The following GRIN1 variants were observed in gnomAD, a reference collection of about 807,000 sequenced individuals.
The protein encoded by GRIN1 is glutamate ionotropic receptor NMDA type subunit 1.
A neutral mutation model predicts 103.0 loss-of-function variants in GRIN1; 38 were observed. The observed-to-expected ratio is 0.37, with a 90% confidence interval of 0.28 to 0.48. The LOEUF is 0.48. Ranked by LOEUF, GRIN1 falls within the 20% of genes least tolerant of loss-of-function variation. GRIN1 has a pLI of 0.98. For missense variants in GRIN1, 577 were observed against 1,288.9 expected, an observed-to-expected ratio of 0.45 and a Z score of 8.46; for synonymous variants, 544 against 532.7, an observed-to-expected ratio of 1.02 and a Z score of -0.29.
chr9:137,148,006 C>A, intron 3 of GRIN1: 1 of 604,366 alleles, frequency 1.7e-6, no homozygotes, highest in Non-Finnish European at 2.9e-6. Context: ...AGCCCCGCCC[C>A]GGGCCTCGGT....
At position 137,157,024 on chromosome 9, in the gene GRIN1, C is replaced by T; in HGVS notation, c.955C>T (p.Pro319Ser). Residue 319 changes from proline to serine, a missense_variant, in exon 6 of 20, where the codon CCG becomes TCG. Physicochemically the swap from Pro to Ser is moderately conservative, Grantham distance 74. This residue lies in a region of GRIN1 where 308 missense variants were observed against 553.6 expected (regional missense o/e 0.56). Transcript: ENST00000371561. ...VGNTNIWKTG[P>S]LFKRVLMSSK... ...CAACACCAACATCTGGAAGACCGGG[C>T]CGCTCTTCAAGAGGTGGGCGGGGCC... 6.2e-7 allele frequency: 1 copy of T among 1,611,634 alleles called. No homozygotes were observed. Among genetic ancestry groups the T allele is most frequent in the Non-Finnish European group, 8.5e-7 (1 of 1,179,666 alleles).
chr9:137,157,660 C>G (rs938722901), intron 6 of GRIN1, among the ~76,000 whole-genome samples: 8 of 152,218 alleles, frequency 5.3e-5, no homozygotes, highest in Non-Finnish European at 1.0e-4. Flanking sequence ...TGAACATCTG[C>G]AGTGTGGCAG....
At chr9:137,160,166 G>A (rs1316215627) in intron 8 of GRIN1, among the ~76,000 whole-genome samples, 1 of 152,268 alleles carries the variant, frequency 6.6e-6, no homozygotes, top group African/African-American at 2.4e-5. Context: ...ACACGGGCAA[G>A]AGAAAGGAGC....
intron 4 of GRIN1, among the ~76,000 whole-genome samples, chr9:137,149,990 G>A (rs1305874575): frequency 6.6e-6 from 1 of 152,152 alleles, no homozygotes; most frequent in African/African-American, 2.4e-5. Context: ...CCCTCACCAG[G>A]GCAGAACGCA....
rs1048072333 is a variant in GRIN1 at position 137,146,174 on chromosome 9, C to G, written c.570+272C>G. 1.3e-5 allele frequency among the ~76,000 whole-genome samples: 2 copies of G among 152,122 alleles called. No individual in the cohort carries two copies. The highest frequency in any genetic ancestry group is 2.4e-5 in the African/African-American group (1 of 41,412). The stretch of plus-strand genomic sequence containing the variant: ...CCTGCCCCGCGCTGCCGAGCGCCCT[C>G]GTCCCCTCCTCCTGCCCATGCCCCT... On this transcript the variant is annotated intron_variant, in intron 3 of 19. Transcript: ENST00000371561. The surrounding 1 kb of genome is among the most constrained non-coding windows in gnomAD (Gnocchi z 6.7).
In GRIN1 at chr9:137,139,491, G is replaced by A. The variant is rs1832047745; in HGVS notation, c.5G>A (p.Ser2Asn). 1.3e-6 allele frequency: 2 copies of A among 1,590,064 alleles called. No individual in the cohort carries two copies. Among genetic ancestry groups the A allele is most frequent in the Non-Finnish European group, 1.7e-6 (2 of 1,168,512 alleles). M[S>N]TMRLLTLALL... ...CCAGGCCCGCGGCCCGAGCCCATGA[G>A]CACCATGCGCCTGCTGACGCTCGCC... is the stretch of plus-strand genomic sequence containing the variant. Residue 2 changes from serine to asparagine, a missense_variant, in exon 1 of 20, where the codon AGC (serine) becomes AAC (asparagine). Ser to Asn is a conservative substitution (Grantham distance 46, BLOSUM62 1). Transcript: ENST00000371561. This position sits in a 1 kb window ranked among gnomAD's most constrained non-coding sequence, Gnocchi z 7.7.
Position 137,156,720 on chromosome 9 carries a change from G to A in GRIN1, c.723G>A (p.Thr241=), listed in dbSNP as rs765856412. Residue 241 remains threonine (T), a synonymous_variant, in exon 5 of 20, where the codon ACG becomes ACA. Coordinates refer to ENST00000371561, the MANE Select transcript of GRIN1 (RefSeq NM_007327.4). ...VYRAAAMLNM[T]GSGYVWLVGE... is the part of the protein sequence containing the mutation. ...GCGCAGCCGCGATGCTGAACATGAC[G>A]GGCTCCGGGTACGTGTGGCTGGTCG... 2.5e-6 allele frequency: 4 copies of A among 1,592,130 alleles called. No individual in the cohort carries two copies. Among genetic ancestry groups the A allele is most frequent in the Non-Finnish European group, 3.4e-6 (4 of 1,170,334 alleles).
intron 19 of GRIN1, chr9:137,165,544 T>G: frequency 1.8e-6 from 1 of 542,412 alleles, no homozygotes. Context: ...CCACCTCCCC[T>G]GCCATGACCC....
At chr9:137,167,064 G>A (rs943289136) in intron 19 of GRIN1, among the ~76,000 whole-genome samples, 15 of 152,152 alleles carry the variant, frequency 9.9e-5, no homozygotes, top group Admixed American at 9.2e-4. Flanking sequence ...ACCCTCACCC[G>A]AGCCTCTCTG....
At position 137,167,641 on chromosome 9, in the gene GRIN1, A is replaced by AC. The variant is rs1195073921; in HGVS notation, c.*119dup. ...AGCACCACGGGGTCGGGGGAGGAGC[A>AC]CCCCCAGCCTCCCCCAGGCTGCGCC... On this transcript the variant is annotated 3_prime_UTR_variant, in exon 20 of 20. Transcript: ENST00000371561. The AC allele has an allele frequency of 1.5e-5, 22 of 1,500,578 alleles. No homozygotes were observed. The highest frequency in any genetic ancestry group is 1.3e-4 in the Admixed American group (6 of 44,540). The allele number at this position is 1,500,578 out of a possible 1,614,324, so 93.0% of individuals were successfully genotyped here.
Position 137,165,166 on chromosome 9 carries a change from C to G in GRIN1, c.2590-20C>G. The G allele has an allele frequency of 6.5e-7, 1 of 1,527,556 alleles. No homozygotes were observed. The highest frequency in any genetic ancestry group is 9.1e-7 in the Non-Finnish European group (1 of 1,102,398). 94.6% of individuals were successfully genotyped at this position (1,527,556 alleles called of 1,614,324 possible). A position where few individuals can be genotyped will look rare whatever the true frequency, so the allele number is the denominator to read the frequency against. ...GGCCACCACCCTAGCCATCTAATCA[C>G]TTATACATATTCATTTTAGGATAGA... On this transcript the variant is annotated intron_variant, in intron 18 of 19. Transcript: ENST00000371561.
chr9:137,146,337 C>T lies in GRIN1; in HGVS notation c.570+435C>T, dbSNP rs370816703. Among the ~76,000 whole-genome samples, 28 of 152,142 alleles carry T rather than the reference C, an allele frequency of 1.8e-4. No homozygotes were observed. Among genetic ancestry groups the T allele is most frequent in the African/African-American group, 6.5e-4 (27 of 41,504 alleles). Reference sequence around the variant, plus strand: ...CATACCGCCCCTGCAGGCCTGTCCCCTCCTGGCTGGGCCCATTCCCTGTCC... The same window carrying T: ...CATACCGCCCCTGCAGGCCTGTCCCTTCCTGGCTGGGCCCATTCCCTGTCC... On this transcript the variant is annotated intron_variant, in intron 3 of 19. Coordinates refer to ENST00000371561, the MANE Select transcript of GRIN1 (RefSeq NM_007327.4). This position sits in a 1 kb window ranked among gnomAD's most constrained non-coding sequence, Gnocchi z 6.7.
At position 137,142,004 on chromosome 9, in the gene GRIN1, T is replaced by C. The variant is rs1554766108; in HGVS notation, c.259-9T>C. 6.2e-7 allele frequency: 1 copy of C among 1,614,110 alleles called. No individual in the cohort carries two copies. Among genetic ancestry groups the C allele is most frequent in the Non-Finnish European group, 8.5e-7 (1 of 1,179,974 alleles). ...TGACTCAAGCTGATCATGTCTCCTG[T>C]GTCCACAGGTCTACGCCATCCTAGT... is the stretch of plus-strand genomic sequence containing the variant. On this transcript the variant is annotated splice_polypyrimidine_tract_variant and intron_variant, in intron 1 of 19. Transcript: ENST00000371561.
intron 4 of GRIN1, among the ~76,000 whole-genome samples, chr9:137,152,000 G>A (rs1244508403): frequency 7.1e-6 from 1 of 140,572 alleles, no homozygotes; most frequent in Non-Finnish European, 1.5e-5. Flanking sequence ...TCCACCTCCC[G>A]GGCTCACGCC....
chr9:137,165,731 C>A (rs1833841835), intron 19 of GRIN1, among the ~76,000 whole-genome samples: 1 of 152,208 alleles, frequency 6.6e-6, no homozygotes, highest in Admixed American at 6.5e-5. Flanking sequence ...CCAGAGGGGC[C>A]CGCCGCCCTC....
intron 4 of GRIN1, among the ~76,000 whole-genome samples, chr9:137,154,835 G>C (rs1320981773): frequency 2.6e-5 from 4 of 152,156 alleles, no homozygotes; most frequent in Non-Finnish European, 5.9e-5. Flanking sequence ...TGGAGTGGAG[G>C]CCAAAGTCCC....
At position 137,156,914 on chromosome 9, in the gene GRIN1, G is replaced by A. The variant is rs1320100124; in HGVS notation, c.845G>A (p.Ser282Asn). 1.9e-6 allele frequency: 3 copies of A among 1,612,106 alleles called. No individual in the cohort carries two copies. In the African/African-American group the frequency reaches 4.0e-5, roughly 22 times the overall value. ...INGKNESAHI[S>N]DAVGVVAQAV... ...GGCAAGAACGAGTCGGCCCACATCA[G>A]CGACGCCGTGGGCGTGGTGGCCCAG... The change falls in exon 6 of 20, where the codon AGC becomes AAC. Residue 282 changes from serine to asparagine, a missense_variant. By Grantham distance (46) the Ser-to-Asn change is conservative (BLOSUM62 1). Coordinates refer to ENST00000371561, the MANE Select transcript of GRIN1 (RefSeq NM_007327.4).
At chr9:137,153,120 C>T (rs184079830) in intron 4 of GRIN1, among the ~76,000 whole-genome samples, 18 of 150,118 alleles carry the variant, frequency 1.2e-4, no homozygotes, top group African/African-American at 1.7e-4. Context: ...CACACACACA[C>T]GTGCACAAAT....
intron 6 of GRIN1, 85 bp downstream of exon 6, chr9:137,157,122 G>C: frequency 8.5e-7 from 1 of 1,179,168 alleles, no homozygotes; most frequent in South Asian, 1.4e-5. Context: ...GGCCGCTCTT[G>C]GGGAGGTGGG....
Sources: allele counts gnomAD v4.1 joint callset (sites outside exome capture counted in the v4.1 genomes callset), GRCh38; gene constraint gnomAD v4.1.1; regional missense constraint gnomAD v4.1.1; non-coding constraint Gnocchi (gnomAD v3.1); transcripts MANE v1.5; gene names NCBI Gene and HGNC (gene_info 2026-07-23, HGNC 2026-07-21).